OSMR: variants seen among roughly 807,000 people sequenced by gnomAD.
The protein encoded by OSMR is oncostatin M receptor.
In OSMR, 81 loss-of-function variants were observed where a neutral mutation model predicts 99.9. The ratio of observed to expected loss-of-function variants is 0.81; its 90% CI spans 0.68 to 0.97. The LOEUF is 0.97. Ranked by LOEUF, OSMR falls within the 50% of genes least tolerant of loss-of-function variation. The pLI, the probability that OSMR is intolerant of heterozygous loss-of-function variation, is 0.00. For synonymous variants in OSMR, 406 were observed against 410.4 expected (o/e 0.99, Z 0.13); for missense variants, 1,099 against 1,153.4 (o/e 0.95, Z 0.68).
chr5:38,883,863 T>C lies in OSMR; in HGVS notation c.455T>C (p.Phe152Ser), dbSNP rs772287279. ...ACTGGACAGGATATATTGTTCGTTTTCCCTAAAGATAAGCTGGTGGAAGAA... is the reference window on the plus strand; with the variant it reads ...ACTGGACAGGATATATTGTTCGTTTCCCCTAAAGATAAGCTGGTGGAAGAA... ...DSTGQDILFV[F>S]PKDKLVEEGT... Residue 152 changes from phenylalanine (F) to serine (S), a missense_variant, in exon 5 of 18, where the codon TTC (phenylalanine) becomes TCC (serine). Physicochemically the swap from Phe to Ser is radical, Grantham distance 155. Transcript: ENST00000274276. 5.0e-6 allele frequency: 8 copies of C among 1,613,622 alleles called. No individual in the cohort carries two copies. In the Admixed American group the frequency reaches 1.3e-4, roughly 27 times the overall value.
chr5:38,932,444 T>G lies in OSMR; in HGVS notation c.2295-19T>G. The stretch of plus-strand genomic sequence containing the variant: ...CACTGTACTGTGAAATTCAGTCTCA[T>G]TTTCGCTTTTTTTTCTAGGATCAAG... On this transcript the variant is annotated intron_variant, in intron 16 of 17. Transcript: ENST00000274276. The G allele has an allele frequency of 6.2e-7, 1 of 1,600,982 alleles. No homozygotes were observed.
At chr5:38,862,222 G>C (rs1439664590) in intron 1 of OSMR, among the ~76,000 whole-genome samples, 2 of 114,944 alleles carry the variant, frequency 1.7e-5, no homozygotes, top group Non-Finnish European at 3.7e-5. Context: ...CCTCCCGGAC[G>C]GGGCGGCTGG....
At chr5:38,932,427 T>A (rs1215268184) in intron 16 of OSMR, 36 bp from the exon 17 acceptor site, 2 of 1,496,104 alleles carry the variant, frequency 1.3e-6, no homozygotes, top group South Asian at 2.3e-5. Flanking sequence ...TCCACTGTAC[T>A]GTGAAATTCA....
Position 38,904,372 on chromosome 5 carries a change from T to C in OSMR, c.1154T>C (p.Val385Ala). 6.2e-7 allele frequency: 1 copy of C among 1,613,992 alleles called. No individual in the cohort carries two copies. Among genetic ancestry groups the C allele is most frequent in the Non-Finnish European group, 8.5e-7 (1 of 1,179,912 alleles). The change falls in exon 9 of 18, where the codon GTG becomes GCG. Residue 385 changes from valine to alanine, a missense_variant. Coordinates refer to ENST00000274276, the MANE Select transcript of OSMR (RefSeq NM_003999.3). ...KMMQYNVSIK[V>A]NGEYFLSELE... The stretch of plus-strand genomic sequence containing the variant: ...AAGCAGTACAATGTTTCCATCAAGG[T>C]GAACGGTGAGTACTTCTTAAGTGAA...
chr5:38,900,232 C>T (rs151169467), intron 7 of OSMR, among the ~76,000 whole-genome samples: 1 of 152,294 alleles, frequency 6.6e-6, no homozygotes, highest in Non-Finnish European at 1.5e-5. Flanking sequence ...TCTCAATCAC[C>T]GTGCTCTCCC....
chr5:38,903,739 T>C (rs1039862822), intron 7 of OSMR, 143 bp from the exon 8 acceptor site: 2 of 1,476,146 alleles, frequency 1.4e-6, no homozygotes, highest in Non-Finnish European at 8.9e-7. Context: ...TTCTAGCTTG[T>C]CTGTAAGTTC....
chr5:38,943,167 T>TA (rs1554058622), intron 1 of OSMR: 130,827 of 412,412 alleles, frequency 0.32, 18,779 homozygotes, highest in Admixed American at 0.41. Context: ...GGTTTTTTTT[T>TA]AAAAAAAATG....
chr5:38,894,549 A>G (rs1427711690), intron 7 of OSMR, among the ~76,000 whole-genome samples: 1 of 151,552 alleles, frequency 6.6e-6, no homozygotes, highest in Non-Finnish European at 1.5e-5. Context: ...AGATATTCTT[A>G]TATCAGGTAA....
At chr5:38,911,758 C>T (rs1389698617) in intron 9 of OSMR, among the ~76,000 whole-genome samples, 1 of 152,154 alleles carries the variant, frequency 6.6e-6, no homozygotes, top group Non-Finnish European at 1.5e-5. Flanking sequence ...TTGTGTCAGC[C>T]TACGCAAATC....
At chr5:38,850,805 C>T (rs955112526) in intron 1 of OSMR, among the ~76,000 whole-genome samples, 1 of 152,186 alleles carries the variant, frequency 6.6e-6, no homozygotes, top group African/African-American at 2.4e-5. Context: ...TCTTGGTCAC[C>T]TCTTTCTACT....
intron 4 of OSMR, among the ~76,000 whole-genome samples, chr5:38,883,047 C>G (rs188941702): frequency 6.2e-4 from 94 of 152,274 alleles, no homozygotes; most frequent in Non-Finnish European, 1.2e-3. Context: ...GGTGTGGTGG[C>G]TCACATCTGT....
In OSMR at chr5:38,878,451, C is replaced by G. The variant is rs1201658321; in HGVS notation, c.246+2078C>G. On this transcript the variant is annotated intron_variant, in intron 3 of 17. Coordinates refer to ENST00000274276, the MANE Select transcript of OSMR (RefSeq NM_003999.3). Reference sequence around the variant, plus strand: ...CTGGACCAGAGGCACCGACCTGTCTCCTGGATGGTACTGGCCATTTGGAAC... The same window carrying G: ...CTGGACCAGAGGCACCGACCTGTCTGCTGGATGGTACTGGCCATTTGGAAC... 4.6e-5 allele frequency among the ~76,000 whole-genome samples: 7 copies of G among 152,180 alleles called. No individual in the cohort carries two copies. The South Asian group carries it at 1.2e-3, about 27-fold the overall frequency.
At chr5:38,883,144 G>A (rs999112510) in intron 4 of OSMR, among the ~76,000 whole-genome samples, 4 of 152,122 alleles carry the variant, frequency 2.6e-5, no homozygotes, top group East Asian at 1.9e-4. Context: ...CGAAGCCCCA[G>A]CTCTACTAAA....
chr5:38,913,549 CAA>C lies in OSMR; in HGVS notation c.1286-3981_1286-3980del, dbSNP rs528979345. 0.032 allele frequency among the ~76,000 whole-genome samples: 3,929 copies of C among 123,546 alleles called. 304 individuals carry two copies. The East Asian group carries it at 0.39, about 12-fold the overall frequency. The allele number at this position is 123,546 out of a possible 152,430, so 81.1% of individuals were successfully genotyped here. A position where few individuals can be genotyped will look rare whatever the true frequency, so the allele number is the denominator to read the frequency against. ...TGGACGACAGAGTGAGACTCCATCT[CAA>C]AAAAAAAAAAAAAAATGGGTGAAAG... On this transcript the variant is annotated intron_variant, in intron 9 of 17. Coordinates refer to ENST00000274276, the MANE Select transcript of OSMR (RefSeq NM_003999.3).
intron 1 of OSMR, chr5:38,942,747 C>A: frequency 9.0e-7 from 1 of 1,116,758 alleles, no homozygotes; most frequent in Non-Finnish European, 1.3e-6. Flanking sequence ...TGAGTCACCA[C>A]ACCCAGCTAT....
At chr5:38,875,189 C>A (rs1364258923) in intron 2 of OSMR, among the ~76,000 whole-genome samples, 1 of 152,202 alleles carries the variant, frequency 6.6e-6, no homozygotes, top group Non-Finnish European at 1.5e-5. Context: ...CAGGCTTTAT[C>A]TTTTCAATAC....
At chr5:38,907,230 C>T (rs766105134) in intron 9 of OSMR, among the ~76,000 whole-genome samples, 3 of 152,196 alleles carry the variant, frequency 2.0e-5, no homozygotes, top group African/African-American at 7.2e-5. Context: ...CACCCACACT[C>T]GTTCTTGGCC....
intron 7 of OSMR, among the ~76,000 whole-genome samples, chr5:38,893,258 G>A (rs1242243238): frequency 6.6e-6 from 1 of 152,158 alleles, no homozygotes. Context: ...AGATGAGAAG[G>A]AAAAAGCATA....
At chr5:38,939,650 T>TTACA (rs1380033216), downstream of OSMR, 1 of 231,306 alleles carries the variant, frequency 4.3e-6, no homozygotes, top group African/African-American at 2.2e-5. Context: ...AATTCATAGT[T>TTACA]TACAACCAGC....
Sources: allele counts gnomAD v4.1 joint callset (sites outside exome capture counted in the v4.1 genomes callset), GRCh38; gene constraint gnomAD v4.1.1; transcripts MANE v1.5; gene names NCBI Gene and HGNC (gene_info 2026-07-23, HGNC 2026-07-21).